Variants in NCALD observed in about 807,000 individuals in gnomAD.
NCALD encodes the protein neurocalcin-delta.
Under a neutral mutation model 18.6 loss-of-function variants are expected in NCALD, and 10 were observed. The observed-to-expected ratio is 0.54, with a 90% CI of 0.33 to 0.91. The LOEUF is 0.91. Ranked by LOEUF, NCALD falls within the 40% of genes least tolerant of loss-of-function variation. The probability of loss-of-function intolerance (pLI) is 0.03; values close to 1 mark genes in which losing one functional copy is unlikely to be tolerated. For synonymous variants in NCALD, 88 were observed against 87.4 expected (o/e 1.01, Z -0.04); for missense variants, 184 against 247.6 (o/e 0.74, Z 1.72).
Position 102,009,470 on chromosome 8 carries a change from AC to A in NCALD, c.-157+10766del, listed in dbSNP as rs995620968. 4.6e-5 allele frequency among the ~76,000 whole-genome samples: 7 copies of A among 152,160 alleles called. No homozygotes were observed. The East Asian group carries it at 1.2e-3, about 25-fold the overall frequency. On this transcript the variant is annotated intron_variant, in intron 2 of 6. Coordinates refer to the NCALD transcript ENST00000311028. ...AAGGAGGAAAGCTCAAGGTAGTTCA[AC>A]CCTTCTCTGAAATTGGAAGAGATTT...
At chr8:102,082,589 A>T (rs1158638138) in intron 1 of NCALD, among the ~76,000 whole-genome samples, 1 of 152,048 alleles carries the variant, frequency 6.6e-6, no homozygotes, top group Non-Finnish European at 1.5e-5. Context: ...CACATAGAAA[A>T]CTTACCCCTA....
At chr8:101,818,566 A>G (rs1385602175) in intron 4 of NCALD, among the ~76,000 whole-genome samples, 1 of 152,206 alleles carries the variant, frequency 6.6e-6, no homozygotes, top group Non-Finnish European at 1.5e-5. Context: ...CAAGACTTCA[A>G]CACCTCCATG....
chr8:101,894,599 A>C (rs1455883689), intron 3 of NCALD, among the ~76,000 whole-genome samples: 1 of 144,276 alleles, frequency 6.9e-6, no homozygotes, highest in Non-Finnish European at 1.5e-5. Flanking sequence ...GGATCAACAA[A>C]ATTGATAGAC....
rs1411799497 is a variant in NCALD at position 102,028,846 on chromosome 8, A to G, written c.-209-8557T>C. Among the ~76,000 whole-genome samples, 3 of 152,198 alleles carry G rather than the reference A, an allele frequency of 2.0e-5. No homozygotes were observed. In the East Asian group the frequency reaches 5.8e-4, roughly 29 times the overall value. On this transcript the variant is annotated intron_variant, in intron 1 of 6. Transcript: ENST00000311028. ...GATAATTTTGAGAGTAAAGGGGGGT[A>G]CTAGCCAGACAAGGTGCTGAGACAA... is the stretch of plus-strand genomic sequence containing the variant.
intron 4 of NCALD, among the ~76,000 whole-genome samples, chr8:101,802,997 A>G (rs1812927937): frequency 6.6e-6 from 1 of 152,120 alleles, no homozygotes; most frequent in South Asian, 2.1e-4. Flanking sequence ...TCATTGATGA[A>G]GGTGACTATA....
At chr8:102,069,567 A>G (rs1191685984) in intron 1 of NCALD, among the ~76,000 whole-genome samples, 4 of 152,244 alleles carry the variant, frequency 2.6e-5, no homozygotes, top group Non-Finnish European at 5.9e-5. Flanking sequence ...CTCAATATTT[A>G]TGTACAAGGA....
chr8:102,073,496 A>G (rs1215336017), intron 1 of NCALD, among the ~76,000 whole-genome samples: 2 of 152,024 alleles, frequency 1.3e-5, no homozygotes, highest in Non-Finnish European at 2.9e-5. Flanking sequence ...AAGAAATTAT[A>G]TGAAATGGCA....
At chr8:101,741,965 A>AAG (rs1421386508) in intron 1 of NCALD, among the ~76,000 whole-genome samples, 26 of 149,486 alleles carry the variant, frequency 1.7e-4, no homozygotes, top group Non-Finnish European at 2.7e-4. Context: ...AAAAGAAAAA[A>AAG]AAAAAGGGCC....
chr8:101,946,834 A>AT (rs1819195069), intron 2 of NCALD, among the ~76,000 whole-genome samples: 1 of 139,656 alleles, frequency 7.2e-6, no homozygotes, highest in Non-Finnish European at 1.6e-5. Context: ...AAAAAAAAAA[A>AT]ATCTTGTTTG....
intron 2 of NCALD, among the ~76,000 whole-genome samples, chr8:101,699,893 G>A (rs1042152463): frequency 3.9e-5 from 6 of 152,028 alleles, no homozygotes; most frequent in East Asian, 3.9e-4. Flanking sequence ...CGTTCTGTGC[G>A]TGTATCCAAG....
chr8:101,879,387 TA>T (rs1816378015), intron 4 of NCALD, among the ~76,000 whole-genome samples: 1 of 152,190 alleles, frequency 6.6e-6, no homozygotes, highest in Non-Finnish European at 1.5e-5. Context: ...TTACAGCTCT[TA>T]AGGCCGCCAG....
intron 2 of NCALD, among the ~76,000 whole-genome samples, chr8:101,710,868 AGCTC>A (rs1340482139): frequency 6.6e-6 from 1 of 152,216 alleles, no homozygotes; most frequent in Non-Finnish European, 1.5e-5. Context: ...CCTGCCTGAC[AGCTC>A]TGAAGAGAGC....
intron 2 of NCALD, among the ~76,000 whole-genome samples, chr8:101,704,463 G>A (rs1815414307): frequency 6.6e-6 from 1 of 152,182 alleles, no homozygotes; most frequent in African/African-American, 2.4e-5. Flanking sequence ...AAAAGGCTGT[G>A]GGATGTGAGA....
At chr8:102,020,635 T>C (rs1189379513) in intron 1 of NCALD, among the ~76,000 whole-genome samples, 1 of 152,218 alleles carries the variant, frequency 6.6e-6, no homozygotes, top group East Asian at 1.9e-4. Context: ...TTGCTTCATC[T>C]GACTGTGATA....
At chr8:101,743,260 T>C (rs1810289388) in intron 1 of NCALD, among the ~76,000 whole-genome samples, 1 of 125,810 alleles carries the variant, frequency 7.9e-6, no homozygotes, top group Non-Finnish European at 1.8e-5. Flanking sequence ...ACTCAGTGTG[T>C]TCCTGGATAT....
At chr8:101,774,302 G>C (rs1811703854) in intron 1 of NCALD, among the ~76,000 whole-genome samples, 1 of 152,146 alleles carries the variant, frequency 6.6e-6, no homozygotes, top group Non-Finnish European at 1.5e-5. Context: ...CTTGAAACAG[G>C]TGTGCTTCAG....
intron 1 of NCALD, among the ~76,000 whole-genome samples, chr8:101,753,426 C>G (rs1334188197): frequency 6.6e-6 from 1 of 152,194 alleles, no homozygotes; most frequent in African/African-American, 2.4e-5. Flanking sequence ...TACCCACAAC[C>G]ATTTCTCTTC....
At chr8:101,747,204 C>A (rs1810463322) in intron 1 of NCALD, among the ~76,000 whole-genome samples, 1 of 152,162 alleles carries the variant, frequency 6.6e-6, no homozygotes, top group Non-Finnish European at 1.5e-5. Context: ...CTCCTCCTTC[C>A]CACTGTGACA....
At chr8:101,731,468 C>A (rs184667002) in intron 1 of NCALD, among the ~76,000 whole-genome samples, 18 of 152,244 alleles carry the variant, frequency 1.2e-4, no homozygotes, top group African/African-American at 2.9e-4. Flanking sequence ...AGCTTACATA[C>A]CCCCTAAGAT....
Sources: gnomAD v4.1 joint callset for allele counts (sites outside exome capture counted in the v4.1 genomes callset) on GRCh38, gnomAD v4.1.1 for gene constraint, MANE v1.5 for transcripts, NCBI Gene and HGNC (gene_info 2026-07-23, HGNC 2026-07-21) for gene names.